Variants in PPM1H observed in about 807,000 individuals in gnomAD.
The protein encoded by PPM1H is protein phosphatase 1H.
A neutral mutation model predicts 54.9 loss-of-function variants in PPM1H; 27 were observed. The ratio of observed to expected loss-of-function variants is 0.49; its 90% confidence interval spans 0.36 to 0.68. The LOEUF (loss-of-function observed/expected upper bound fraction) is 0.68, where lower values mean the gene tolerates loss of function less well. Among genes scored for constraint, PPM1H ranks in the 30% least tolerant of loss-of-function variants. The pLI is 0.00. For synonymous variants in PPM1H, 305 were observed against 270.8 expected, an observed-to-expected ratio of 1.13 and a Z score of -1.24; for missense variants, 596 against 667.8, an observed-to-expected ratio of 0.89 and a Z score of 1.19.
chr12:62,858,610 G>C (rs565453005), intron 1 of PPM1H, among the ~76,000 whole-genome samples: 2 of 152,258 alleles, frequency 1.3e-5, no homozygotes, highest in South Asian at 4.2e-4. Context: ...TGTCCCGGCA[G>C]GTCTGCCTAA....
At chr12:62,825,462 A>G (rs1868279894) in intron 2 of PPM1H, among the ~76,000 whole-genome samples, 1 of 152,258 alleles carries the variant, frequency 6.6e-6, no homozygotes. Flanking sequence ...TATTCACAAT[A>G]GCAAAAACTT....
intron 4 of PPM1H, among the ~76,000 whole-genome samples, chr12:62,745,494 C>T (rs1046648362): frequency 2.0e-5 from 3 of 152,188 alleles, no homozygotes; most frequent in African/African-American, 7.2e-5. Context: ...TTCCTGAATG[C>T]TGATTCATCT....
chr12:62,861,037 C>T (rs1307156071), intron 1 of PPM1H, among the ~76,000 whole-genome samples: 1 of 152,220 alleles, frequency 6.6e-6, no homozygotes, highest in Admixed American at 6.5e-5. Flanking sequence ...AGTCTCAGAC[C>T]TGCCTAATGG....
At chr12:62,881,812 C>T (rs1241502066) in intron 1 of PPM1H, among the ~76,000 whole-genome samples, 1 of 152,204 alleles carries the variant, frequency 6.6e-6, no homozygotes, top group Non-Finnish European at 1.5e-5. Context: ...GCTGCCATCG[C>T]TTGCTTGGCA....
chr12:62,814,152 T>G (rs1375067708), intron 2 of PPM1H, among the ~76,000 whole-genome samples: 2 of 152,162 alleles, frequency 1.3e-5, no homozygotes, highest in Non-Finnish European at 2.9e-5. Flanking sequence ...TGATCATAGT[T>G]CACTGCAGCC....
chr12:62,746,924 T>C (rs1305615803), intron 4 of PPM1H, among the ~76,000 whole-genome samples: 2 of 152,178 alleles, frequency 1.3e-5, no homozygotes, highest in Non-Finnish European at 2.9e-5. Flanking sequence ...ATCTTCAGAT[T>C]CATGCAAACG....
chr12:62,785,132 G>A (rs1303021992), intron 4 of PPM1H, among the ~76,000 whole-genome samples: 1 of 152,072 alleles, frequency 6.6e-6, no homozygotes, highest in Non-Finnish European at 1.5e-5. Flanking sequence ...AAGGATAAAA[G>A]TATCTGTTAG....
intron 9 of PPM1H, among the ~76,000 whole-genome samples, chr12:62,663,304 G>A (rs1213569376): frequency 6.6e-6 from 1 of 151,656 alleles, no homozygotes; most frequent in Non-Finnish European, 1.5e-5. Flanking sequence ...TTTTATTTCA[G>A]GTGGGGCCTG....
At chr12:62,871,708 G>T (rs1177458937) in intron 1 of PPM1H, among the ~76,000 whole-genome samples, 1 of 151,852 alleles carries the variant, frequency 6.6e-6, no homozygotes, top group Non-Finnish European at 1.5e-5. Context: ...TAGAGACAGG[G>T]TTTTGCCATG....
At chr12:62,842,167 GA>G (rs371695771) in intron 1 of PPM1H, among the ~76,000 whole-genome samples, 9 of 152,142 alleles carry the variant, frequency 5.9e-5, no homozygotes, top group Admixed American at 2.0e-4. Flanking sequence ...AAATAAAGCA[GA>G]AAAAATGCTT....
chr12:62,933,686 A>G (rs1298510504), intron 1 of PPM1H, among the ~76,000 whole-genome samples: 1 of 152,150 alleles, frequency 6.6e-6, no homozygotes, highest in African/African-American at 2.4e-5. Flanking sequence ...TCAGTGGAAA[A>G]GTGGCCATGG....
intron 9 of PPM1H, among the ~76,000 whole-genome samples, chr12:62,660,680 A>G (rs1287160612): frequency 6.6e-6 from 1 of 152,226 alleles, no homozygotes; most frequent in Non-Finnish European, 1.5e-5. Flanking sequence ...ACCATATACA[A>G]AAATCAAATA....
Position 62,660,754 on chromosome 12 carries a change from T to C in PPM1H, c.1397+6424A>G, listed in dbSNP as rs559331224. 9.9e-4 allele frequency among the ~76,000 whole-genome samples: 151 copies of C among 152,234 alleles called. 1 individual carries two copies. Among genetic ancestry groups the C allele is most frequent in the African/African-American group, 3.4e-3 (143 of 41,534 alleles). The stretch of plus-strand genomic sequence containing the variant: ...CTACGAAACTACTAGAAGAAAACAC[T>C]GGAGAAATGCTTTAGGACATTGGTC... On this transcript the variant is annotated intron_variant, in intron 9 of 9. Coordinates refer to ENST00000228705, the MANE Select transcript of PPM1H (RefSeq NM_020700.2).
At chr12:62,858,205 G>T (rs1243335309) in intron 1 of PPM1H, among the ~76,000 whole-genome samples, 2 of 151,892 alleles carry the variant, frequency 1.3e-5, no homozygotes, top group Non-Finnish European at 2.9e-5. Context: ...ACATAATCAG[G>T]TATCTTTCTA....
chr12:62,803,154 CCCTTAGTTCTCCAG>C (rs2076782002), intron 2 of PPM1H, among the ~76,000 whole-genome samples: 1 of 152,186 alleles, frequency 6.6e-6, no homozygotes, highest in Admixed American at 6.5e-5. Flanking sequence ...CTTCCCACCT[CCCTTAGTTCTCCAG>C]CTGATGTCAC....
chr12:62,657,059 C>T (rs907479098), intron 9 of PPM1H, among the ~76,000 whole-genome samples: 5 of 152,126 alleles, frequency 3.3e-5, no homozygotes, highest in African/African-American at 9.7e-5. Flanking sequence ...GGACTCCACT[C>T]AGGCAGAATA....
chr12:62,847,113 G>T (rs558408945), intron 1 of PPM1H, among the ~76,000 whole-genome samples: 1 of 152,244 alleles, frequency 6.6e-6, no homozygotes, highest in African/African-American at 2.4e-5. Flanking sequence ...GCCAATTAGG[G>T]CCCTTCTGTG....
chr12:62,674,088 A>G (rs984028887), intron 8 of PPM1H, among the ~76,000 whole-genome samples: 3 of 152,156 alleles, frequency 2.0e-5, no homozygotes, highest in Non-Finnish European at 4.4e-5. Context: ...GAAATATAAC[A>G]ACTGCTCTAC....
At chr12:62,812,333 C>A (rs2076840821) in intron 2 of PPM1H, among the ~76,000 whole-genome samples, 1 of 152,242 alleles carries the variant, frequency 6.6e-6, no homozygotes. Context: ...ATAATACCTT[C>A]AAAATTACTC....
Sources: gnomAD v4.1 joint callset for allele counts (sites outside exome capture counted in the v4.1 genomes callset) on GRCh38, gnomAD v4.1.1 for gene constraint, MANE v1.5 for transcripts, NCBI Gene and HGNC (gene_info 2026-07-23, HGNC 2026-07-21) for gene names.